The following PRDM4 variants were observed in gnomAD, a reference collection of about 807,000 sequenced individuals.
The protein encoded by PRDM4 is PR/SET domain 4, also known as PR domain zinc finger protein 4.
In PRDM4, 38 loss-of-function variants were observed where a neutral mutation model predicts 62.3. The observed-to-expected ratio is 0.61, with a 90% CI of 0.47 to 0.80. The LOEUF is 0.80. Among genes scored for constraint, PRDM4 ranks in the 30% least tolerant of loss-of-function variants. The probability of loss-of-function intolerance (pLI) is 0.00; values close to 1 mark genes in which losing one functional copy is unlikely to be tolerated. For missense variants in PRDM4, 858 were observed against 997.1 expected, an observed-to-expected ratio of 0.86 and a Z score of 1.88; for synonymous variants, 339 against 348.2, an observed-to-expected ratio of 0.97 and a Z score of 0.30.
intron 5 of PRDM4, among the ~76,000 whole-genome samples, chr12:107,749,449 A>G (rs938116764): frequency 1.5e-5 from 2 of 136,704 alleles, no homozygotes; most frequent in African/African-American, 2.8e-5. Flanking sequence ...GCCCAGGCTG[A>G]TCTTGAACTC....
At chr12:107,734,991 T>A (rs1433447933) in intron 11 of PRDM4, among the ~76,000 whole-genome samples, 1 of 152,132 alleles carries the variant, frequency 6.6e-6, no homozygotes, top group Non-Finnish European at 1.5e-5. Flanking sequence ...TTTTTAAATT[T>A]TTATTATTAT....
intron 6 of PRDM4, among the ~76,000 whole-genome samples, chr12:107,744,983 C>A (rs1890645345): frequency 6.6e-6 from 1 of 152,116 alleles, no homozygotes; most frequent in Non-Finnish European, 1.5e-5. Flanking sequence ...TTGCTTGAAC[C>A]CAGGAGGCGG....
At chr12:107,752,656 T>C (rs543843625) in intron 4 of PRDM4, among the ~76,000 whole-genome samples, 433 of 152,178 alleles carry the variant, frequency 2.8e-3, no homozygotes, top group Middle Eastern at 0.02. Flanking sequence ...ACCTGTTTTA[T>C]TAAAACAAAA....
At chr12:107,750,961 T>C (rs1290841437) in intron 5 of PRDM4, among the ~76,000 whole-genome samples, 1 of 152,150 alleles carries the variant, frequency 6.6e-6, no homozygotes, top group Non-Finnish European at 1.5e-5. Flanking sequence ...ACAGGTGTGA[T>C]CGCAGCATAC....
chr12:107,750,348 GC>G (rs1263990693), intron 5 of PRDM4, among the ~76,000 whole-genome samples: 4 of 152,066 alleles, frequency 2.6e-5, no homozygotes, highest in African/African-American at 9.7e-5. Context: ...TTCAAGACCA[GC>G]CAAGGCAACA....
chr12:107,745,329 C>T (rs1435687438), intron 6 of PRDM4, among the ~76,000 whole-genome samples: 1 of 152,128 alleles, frequency 6.6e-6, no homozygotes, highest in African/African-American at 2.4e-5. Flanking sequence ...CTTTGGGAGG[C>T]CAAGGCAGGA....
chr12:107,755,190 C>G (rs1283865215), intron 3 of PRDM4, among the ~76,000 whole-genome samples: 1 of 152,080 alleles, frequency 6.6e-6, no homozygotes, highest in Non-Finnish European at 1.5e-5. Context: ...CTCAAGTGGC[C>G]ATCCCTTCTC....
Sources: gnomAD v4.1 joint callset for allele counts (sites outside exome capture counted in the v4.1 genomes callset) on GRCh38, gnomAD v4.1.1 for gene constraint, MANE v1.5 for transcripts, NCBI Gene and HGNC (gene_info 2026-07-23, HGNC 2026-07-21) for gene names.